The following TM9SF3 variants were observed in gnomAD, a reference collection of about 807,000 sequenced individuals.
TM9SF3 encodes SM-11044-binding protein.
In TM9SF3, 14 loss-of-function variants were observed where a neutral mutation model predicts 78.6. That is an observed-to-expected ratio of 0.18 (90% CI 0.12 to 0.28). TM9SF3 has a LOEUF of 0.28. TM9SF3 is among the 10% of genes least tolerant of loss of function. TM9SF3 has a pLI of 1.00. For missense variants in TM9SF3, 496 were observed against 721.9 expected, an observed-to-expected ratio of 0.69 and a Z score of 3.59; for synonymous variants, 231 against 241.7, an observed-to-expected ratio of 0.96 and a Z score of 0.41.
At chr10:96,565,533 A>G (rs1344405165) in intron 2 of TM9SF3, 107 bp from the exon 3 acceptor site, 7 of 1,275,198 alleles carry the variant, frequency 5.5e-6, no homozygotes, top group Admixed American at 5.7e-5. Context: ...TAAAATTTCT[A>G]TTCACAATAG....
chr10:96,540,036 C>A (rs866498981), intron 9 of TM9SF3, among the ~76,000 whole-genome samples: 11 of 152,122 alleles, frequency 7.2e-5, no homozygotes, highest in Non-Finnish European at 1.5e-4. Flanking sequence ...ATTATTGATC[C>A]TTATTATAAT....
At chr10:96,574,387 C>A (rs1848473227) in intron 2 of TM9SF3, among the ~76,000 whole-genome samples, 1 of 152,114 alleles carries the variant, frequency 6.6e-6, no homozygotes, top group Non-Finnish European at 1.5e-5. Context: ...CTACCTTATA[C>A]CAGTTAGAAT....
intron 2 of TM9SF3, among the ~76,000 whole-genome samples, chr10:96,575,269 C>T (rs1848484519): frequency 6.6e-6 from 1 of 152,030 alleles, no homozygotes; most frequent in African/African-American, 2.4e-5. Context: ...ACATATAGTA[C>T]CAAATCTCAA....
Position 96,521,401 on chromosome 10 carries a change from T to C in TM9SF3, c.*862A>G, listed in dbSNP as rs1453224537. The stretch of plus-strand genomic sequence containing the variant: ...AAAACCTTCATTCAAACCCAAAAGA[T>C]TTAAGACTAACTTGGGGGGAAAAAA... On this transcript the variant is annotated 3_prime_UTR_variant, in exon 15 of 15. Transcript: ENST00000371142. 1 of 152,532 alleles carries C rather than the reference T, an allele frequency of 6.6e-6. No individual in the cohort carries two copies. The highest frequency in any genetic ancestry group is 1.5e-5 in the Non-Finnish European group (1 of 67,982). 9.4% of individuals were successfully genotyped at this position (152,532 alleles called of 1,614,324 possible).
At chr10:96,536,478 G>T (rs1276819087) in intron 9 of TM9SF3, among the ~76,000 whole-genome samples, 1 of 152,060 alleles carries the variant, frequency 6.6e-6, no homozygotes, top group Non-Finnish European at 1.5e-5. Flanking sequence ...TTACTTTATT[G>T]TAAGAATAAA....
chr10:96,547,850 T>C (rs753616292), intron 8 of TM9SF3, 45 bp downstream of exon 8: 4 of 1,480,296 alleles, frequency 2.7e-6, no homozygotes, highest in Non-Finnish European at 3.7e-6. Context: ...TAGTAAAATA[T>C]TAGCATCTAT....
At chr10:96,535,115 T>C (rs1419551331) in intron 9 of TM9SF3, among the ~76,000 whole-genome samples, 2 of 152,196 alleles carry the variant, frequency 1.3e-5, no homozygotes, top group African/African-American at 4.8e-5. Context: ...TAACAGTCAA[T>C]AAAGGAATCT....
At position 96,584,248 on chromosome 10, in the gene TM9SF3, T is replaced by C. The variant is rs368931398; in HGVS notation, c.102+2486A>G. Among the ~76,000 whole-genome samples, 10 of 152,328 alleles carry C rather than the reference T, an allele frequency of 6.6e-5. No individual in the cohort carries two copies. The East Asian group carries it at 1.2e-3, about 18-fold the overall frequency. On this transcript the variant is annotated intron_variant, in intron 1 of 14. Coordinates refer to ENST00000371142, the MANE Select transcript of TM9SF3 (RefSeq NM_020123.4). ...CCCACACCAATGTCTCCTCTTCCTT[T>C]AGTATTATTCTCTCTTTACTAGCTA... is the stretch of plus-strand genomic sequence containing the variant.
intron 11 of TM9SF3, 74 bp downstream of exon 11, chr10:96,530,466 A>T: frequency 8.1e-7 from 1 of 1,228,622 alleles, no homozygotes; most frequent in Non-Finnish European, 1.2e-6. Flanking sequence ...TGATAACTTT[A>T]CATGTTCCCT....
intron 9 of TM9SF3, among the ~76,000 whole-genome samples, chr10:96,540,769 CTTTTTTTTTTTTTTTTT>C (rs68126103): frequency 3.9e-5 from 2 of 51,308 alleles, no homozygotes; most frequent in African/African-American, 8.2e-5. Flanking sequence ...TATTACCTTT[CTTTTTTTTTTTTTTTTT>C]TTTTTTTTGA....
At chr10:96,553,284 T>C (rs1476274594) in intron 5 of TM9SF3, among the ~76,000 whole-genome samples, 2 of 152,186 alleles carry the variant, frequency 1.3e-5, no homozygotes. Flanking sequence ...CATGCTATCA[T>C]TTATATAAAT....
At position 96,576,495 on chromosome 10, in the gene TM9SF3, A is replaced by T. The variant is rs926628340; in HGVS notation, c.298+139T>A. On this transcript the variant is annotated intron_variant, in intron 2 of 14. Transcript: ENST00000371142. ...GGCATCTGGGGGGTACAGGCCAGGG[A>T]CTCTGCTAGACATCCTAACATGTAC... 3 of 762,400 alleles carry T rather than the reference A, an allele frequency of 3.9e-6. No individual in the cohort carries two copies. The East Asian group carries it at 9.7e-5, about 25-fold the overall frequency. 47.2% of individuals were successfully genotyped at this position (762,400 alleles called of 1,614,324 possible). A position where few individuals can be genotyped will look rare whatever the true frequency, so the allele number is the denominator to read the frequency against.
chr10:96,539,130 C>T (rs1478920949), intron 9 of TM9SF3, among the ~76,000 whole-genome samples: 1 of 152,118 alleles, frequency 6.6e-6, no homozygotes, highest in Non-Finnish European at 1.5e-5. Flanking sequence ...ATGGTATAAC[C>T]ATGCAATTGA....
chr10:96,566,314 TA>T (rs1339958086), intron 2 of TM9SF3, among the ~76,000 whole-genome samples: 1 of 152,220 alleles, frequency 6.6e-6, no homozygotes. Context: ...GCAATTTCTC[TA>T]AAGATACATT....
chr10:96,537,496 T>C (rs1847972558), intron 9 of TM9SF3, among the ~76,000 whole-genome samples: 1 of 152,212 alleles, frequency 6.6e-6, no homozygotes, highest in South Asian at 2.1e-4. Context: ...TCCCTGGCAT[T>C]AAATGATGCA....
intron 4 of TM9SF3, chr10:96,560,120 C>A: frequency 1.5e-6 from 1 of 688,574 alleles, no homozygotes; most frequent in South Asian, 1.5e-5. Flanking sequence ...CGTGGCTGTT[C>A]TCTTGAGCAG....
At chr10:96,561,255 A>T (rs1699630244) in intron 4 of TM9SF3, among the ~76,000 whole-genome samples, 1 of 27,668 alleles carries the variant, frequency 3.6e-5, no homozygotes, top group African/African-American at 6.8e-5. Context: ...ATGAATAATA[A>T]AAAAAAATCT....
At position 96,586,880 on chromosome 10, in the gene TM9SF3, C is replaced by CCCGCCGCCGCCTCCT. The variant is rs1423323691; in HGVS notation, c.-60_-46dup. ...CGGAGCCGGCTCACCGACTCCTCCT[C>CCCGCCGCCGCCTCCT]CCGCCGCCGCCTCCTCCGCCGCCGC... On this transcript the variant is annotated 5_prime_UTR_variant, in exon 1 of 15. Transcript: ENST00000371142. 13 of 952,434 alleles carry CCCGCCGCCGCCTCCT rather than the reference C, an allele frequency of 1.4e-5. No individual in the cohort carries two copies. In the South Asian group the frequency reaches 2.0e-4, roughly 14 times the overall value. The allele number at this position is 952,434 out of a possible 1,614,324, so 59.0% of individuals were successfully genotyped here. A position where few individuals can be genotyped will look rare whatever the true frequency, so the allele number is the denominator to read the frequency against.
chr10:96,556,526 G>C (rs1351084442), intron 5 of TM9SF3, among the ~76,000 whole-genome samples: 1 of 152,144 alleles, frequency 6.6e-6, no homozygotes, highest in African/African-American at 2.4e-5. Context: ...TACTTGTACA[G>C]TACATCATAT....
Sources: allele counts gnomAD v4.1 joint callset (sites outside exome capture counted in the v4.1 genomes callset), GRCh38; gene constraint gnomAD v4.1.1; transcripts MANE v1.5; gene names NCBI Gene and HGNC (gene_info 2026-07-23, HGNC 2026-07-21).